Variants in DLG2 observed in about 807,000 individuals in gnomAD.
The protein encoded by DLG2 is disks large homolog 2.
In DLG2, 45 loss-of-function variants were observed where a neutral mutation model predicts 132.5. The ratio of observed to expected loss-of-function variants is 0.34; its 90% CI spans 0.27 to 0.44. The LOEUF (loss-of-function observed/expected upper bound fraction) is 0.44, where lower values mean the gene tolerates loss of function less well. Among genes scored for constraint, DLG2 ranks in the 20% least tolerant of loss-of-function variants. The pLI, the probability that DLG2 is intolerant of heterozygous loss-of-function variation, is 1.00. For synonymous variants in DLG2, 424 were observed against 419.6 expected, an observed-to-expected ratio of 1.01 and a Z score of -0.13; for missense variants, 1,045 against 1,196.9, an observed-to-expected ratio of 0.87 and a Z score of 1.87.
chr11:84,900,146 A>C (rs1378268459), intron 6 of DLG2, among the ~76,000 whole-genome samples: 1 of 152,074 alleles, frequency 6.6e-6, no homozygotes, highest in African/African-American at 2.4e-5. Context: ...AATGATTTGA[A>C]TATTTTGTCA....
intron 6 of DLG2, among the ~76,000 whole-genome samples, chr11:85,048,636 C>T (rs935782164): frequency 1.6e-4 from 25 of 151,850 alleles, no homozygotes; most frequent in African/African-American, 4.6e-4. Context: ...TTTAGTTGAG[C>T]GATTCAATAT....
chr11:83,935,479 T>C (rs1278820994), intron 14 of DLG2, among the ~76,000 whole-genome samples: 1 of 152,210 alleles, frequency 6.6e-6, no homozygotes, highest in Non-Finnish European at 1.5e-5. Context: ...TCTCTTATAC[T>C]GAACTTTAAG....
chr11:83,791,466 T>C, intron 17 of DLG2: 2 of 707,746 alleles, frequency 2.8e-6, no homozygotes, highest in Non-Finnish European at 5.3e-6. Flanking sequence ...AGGAATTATC[T>C]TTCCAAAGTC....
chr11:85,014,188 G>T (rs1353802713), intron 6 of DLG2, among the ~76,000 whole-genome samples: 1 of 152,104 alleles, frequency 6.6e-6, no homozygotes, highest in Non-Finnish European at 1.5e-5. Flanking sequence ...ATAGCCTTGG[G>T]CAAACTGCTT....
intron 7 of DLG2, among the ~76,000 whole-genome samples, chr11:84,275,771 TA>T (rs1399552489): frequency 6.6e-6 from 1 of 152,220 alleles, no homozygotes; most frequent in Non-Finnish European, 1.5e-5. Flanking sequence ...AAGGCAAATT[TA>T]AAAACGTGTA....
chr11:83,799,179 A>G (rs2043658424), intron 17 of DLG2, among the ~76,000 whole-genome samples: 1 of 152,262 alleles, frequency 6.6e-6, no homozygotes, highest in Non-Finnish European at 1.5e-5. Context: ...CAGATATCAC[A>G]TTCAATGTTG....
At chr11:85,123,227 T>C (rs2152377484) in intron 5 of DLG2, among the ~76,000 whole-genome samples, 1 of 151,932 alleles carries the variant, frequency 6.6e-6, no homozygotes, top group Middle Eastern at 3.4e-3. Context: ...TCCGCCCGCC[T>C]CGGCCTCCCA....
At chr11:85,470,016 C>T (rs2092929729) in intron 3 of DLG2, among the ~76,000 whole-genome samples, 1 of 152,068 alleles carries the variant, frequency 6.6e-6, no homozygotes, top group African/African-American at 2.4e-5. Flanking sequence ...TTTCTACTTC[C>T]TCTTCATTCT....
At chr11:84,445,250 C>A (rs2099030071) in intron 7 of DLG2, among the ~76,000 whole-genome samples, 3 of 152,086 alleles carry the variant, frequency 2.0e-5, no homozygotes, top group Admixed American at 1.3e-4. Flanking sequence ...TTTTTAGAAT[C>A]CTAACCCCTC....
At chr11:85,611,958 G>A (rs138618706) in intron 2 of DLG2, among the ~76,000 whole-genome samples, 2,485 of 152,112 alleles carry the variant, frequency 0.016, 34 homozygotes, top group Middle Eastern at 0.034. Context: ...GATATAGAGA[G>A]AGAGAAAAAG....
intron 7 of DLG2, among the ~76,000 whole-genome samples, chr11:84,307,714 A>AG (rs1271717260): frequency 6.8e-6 from 1 of 147,146 alleles, no homozygotes; most frequent in Non-Finnish European, 1.5e-5. Context: ...AAAAAAAAAA[A>AG]AAGAAGCCGC....
intron 21 of DLG2, among the ~76,000 whole-genome samples, chr11:83,509,695 C>T (rs2094909869): frequency 1.3e-5 from 2 of 152,034 alleles, no homozygotes; most frequent in African/African-American, 4.8e-5. Flanking sequence ...GGGTTATAGA[C>T]AAAGAACATC....
At chr11:83,638,276 G>A (rs2065381255) in intron 18 of DLG2, among the ~76,000 whole-genome samples, 1 of 152,114 alleles carries the variant, frequency 6.6e-6, no homozygotes. Flanking sequence ...GAACAAGATG[G>A]ATGATAATAG....
At chr11:84,557,472 T>C (rs1217598189) in intron 6 of DLG2, among the ~76,000 whole-genome samples, 1 of 152,202 alleles carries the variant, frequency 6.6e-6, no homozygotes, top group East Asian at 1.9e-4. Context: ...ATATGATCTT[T>C]ACTGATACAG....
At chr11:85,536,301 C>T (rs1195464343) in intron 3 of DLG2, among the ~76,000 whole-genome samples, 1 of 150,232 alleles carries the variant, frequency 6.7e-6, no homozygotes. Context: ...CCCCAAAGTA[C>T]AGTACCTTGG....
intron 7 of DLG2, among the ~76,000 whole-genome samples, chr11:84,416,678 G>C (rs1459412987): frequency 6.6e-6 from 1 of 152,184 alleles, no homozygotes; most frequent in Non-Finnish European, 1.5e-5. Flanking sequence ...TGAAGCTTGA[G>C]TTTCCATATA....
chr11:84,493,521 C>T lies in DLG2; in HGVS notation c.519+41049G>A, dbSNP rs140454005. Among the ~76,000 whole-genome samples the T allele has an allele frequency of 3.1e-3, 477 of 152,146 alleles. 5 individuals are homozygous for T. Among genetic ancestry groups the T allele is most frequent in the Middle Eastern group, 0.024 (7 of 294 alleles). On this transcript the variant is annotated intron_variant, in intron 7 of 27. Transcript: ENST00000376104. ...ATTTTGGGAGCATTTTTATGCATCA[C>T]ACATTGCTCAGGTCCTTGGATACTG...
chr11:83,785,332 G>C (rs1217174529), intron 18 of DLG2, among the ~76,000 whole-genome samples: 1 of 152,144 alleles, frequency 6.6e-6, no homozygotes, highest in African/African-American at 2.4e-5. Context: ...GGGATTACAG[G>C]CTTAAGCCAC....
At chr11:84,915,243 G>GGTCA (rs1480447770) in intron 6 of DLG2, among the ~76,000 whole-genome samples, 3 of 151,878 alleles carry the variant, frequency 2.0e-5, no homozygotes, top group African/African-American at 4.8e-5. Flanking sequence ...CTTTTAAGCG[G>GGTCA]GTCAATATGA....
Sources: gnomAD v4.1 joint callset for allele counts (sites outside exome capture counted in the v4.1 genomes callset) on GRCh38, gnomAD v4.1.1 for gene constraint, MANE v1.5 for transcripts, NCBI Gene and HGNC (gene_info 2026-07-23, HGNC 2026-07-21) for gene names.